The following GPC6 variants were observed in gnomAD, a reference collection of about 807,000 sequenced individuals.
GPC6 encodes the protein glypican-6.
In GPC6, 14 loss-of-function variants were observed where a neutral mutation model predicts 55.2. The observed-to-expected ratio is 0.25, with a 90% CI of 0.17 to 0.40. The LOEUF is 0.40. Ranked by LOEUF, GPC6 falls within the 10% of genes least tolerant of loss-of-function variation. The probability of loss-of-function intolerance (pLI) is 1.00; values close to 1 mark genes in which losing one functional copy is unlikely to be tolerated. For synonymous variants in GPC6, 278 were observed against 259.6 expected, an observed-to-expected ratio of 1.07 and a Z score of -0.68; for missense variants, 641 against 708.5, an observed-to-expected ratio of 0.90 and a Z score of 1.08.
intron 1 of GPC6, among the ~76,000 whole-genome samples, chr13:93,375,610 C>T (rs1043200836): frequency 6.6e-6 from 1 of 152,200 alleles, no homozygotes. Context: ...TTTCACTCCT[C>T]CCGATGGTAG....
intron 2 of GPC6, among the ~76,000 whole-genome samples, chr13:93,563,138 T>A (rs1426997805): frequency 6.6e-6 from 1 of 152,200 alleles, no homozygotes; most frequent in African/African-American, 2.4e-5. Context: ...TGATAAATGT[T>A]ATTTTGTGAA....
At chr13:93,395,756 G>A (rs887345832) in intron 1 of GPC6, 4 of 152,970 alleles carry the variant, frequency 2.6e-5, no homozygotes, top group African/African-American at 9.7e-5. Context: ...ATGTCTCATT[G>A]GTTGTTTCAA....
At chr13:94,251,807 A>G (rs762247194) in intron 4 of GPC6, among the ~76,000 whole-genome samples, 2 of 151,934 alleles carry the variant, frequency 1.3e-5, no homozygotes, top group Admixed American at 6.6e-5. Context: ...TTCACCACCA[A>G]TTGTCTCATG....
At chr13:94,236,755 C>T in intron 4 of GPC6, among the ~76,000 whole-genome samples, 1 of 152,054 alleles carries the variant, frequency 6.6e-6, no homozygotes, top group Non-Finnish European at 1.5e-5. Flanking sequence ...GTAAGTATTT[C>T]CTGAGAACAT....
At chr13:93,699,244 C>T (rs1882585542) in intron 2 of GPC6, among the ~76,000 whole-genome samples, 1 of 151,996 alleles carries the variant, frequency 6.6e-6, no homozygotes, top group African/African-American at 2.4e-5. Flanking sequence ...CACATTTATC[C>T]ATGGGTGATA....
chr13:94,074,357 A>G lies in GPC6; in HGVS notation c.877+46463A>G, dbSNP rs553557042. Among the ~76,000 whole-genome samples the G allele has an allele frequency of 7.9e-5, 12 of 152,360 alleles. No individual in the cohort carries two copies. The East Asian group carries it at 2.3e-3, about 29-fold the overall frequency. ...TATTATGTGCAGCATAGACAAGGTT[A>G]TGTTTTAAACATGACAATGAAGGTT... On this transcript the variant is annotated intron_variant, in intron 4 of 8. Coordinates refer to ENST00000377047, the MANE Select transcript of GPC6 (RefSeq NM_005708.5).
intron 4 of GPC6, among the ~76,000 whole-genome samples, chr13:94,098,830 A>G (rs1322326821): frequency 1.3e-5 from 2 of 152,178 alleles, no homozygotes; most frequent in African/African-American, 4.8e-5. Flanking sequence ...AGAGTATTAT[A>G]TATATATTAT....
intron 6 of GPC6, among the ~76,000 whole-genome samples, chr13:94,349,614 C>T (rs1878442344): frequency 6.6e-6 from 1 of 152,178 alleles, no homozygotes; most frequent in African/African-American, 2.4e-5. Flanking sequence ...TCTGAGCAAA[C>T]ATGTGCTAGT....
chr13:93,429,949 A>G (rs1307916648), intron 1 of GPC6, among the ~76,000 whole-genome samples: 2 of 152,150 alleles, frequency 1.3e-5, no homozygotes, highest in African/African-American at 4.8e-5. Context: ...TTTGACCAAT[A>G]TGAGAAAACT....
At chr13:94,201,835 G>T (rs1000435988) in intron 4 of GPC6, among the ~76,000 whole-genome samples, 6 of 152,070 alleles carry the variant, frequency 3.9e-5, no homozygotes, top group Non-Finnish European at 8.8e-5. Flanking sequence ...TGTAGTCCCA[G>T]CTACTCAGGA....
chr13:93,383,229 T>G (rs1480204405), intron 1 of GPC6, among the ~76,000 whole-genome samples: 1 of 152,174 alleles, frequency 6.6e-6, no homozygotes, highest in Non-Finnish European at 1.5e-5. Context: ...ATATTTATTT[T>G]GAGATAGGGT....
intron 3 of GPC6, among the ~76,000 whole-genome samples, chr13:93,897,369 C>T (rs968876552): frequency 1.3e-5 from 2 of 151,672 alleles, no homozygotes; most frequent in African/African-American, 4.8e-5. Context: ...AGAAGATAAG[C>T]GTCTAAGGTG....
intron 3 of GPC6, among the ~76,000 whole-genome samples, chr13:93,935,034 G>A (rs1878362833): frequency 6.6e-6 from 1 of 152,146 alleles, no homozygotes; most frequent in South Asian, 2.1e-4. Flanking sequence ...TACTACATTA[G>A]TTGGTGGAAA....
intron 1 of GPC6, among the ~76,000 whole-genome samples, chr13:93,278,080 T>C (rs1425988723): frequency 6.6e-6 from 1 of 152,210 alleles, no homozygotes; most frequent in Non-Finnish European, 1.5e-5. Flanking sequence ...GTAAACCTTA[T>C]ATTTGCGTTA....
chr13:93,792,828 T>G (rs1886087534), intron 2 of GPC6, among the ~76,000 whole-genome samples: 1 of 152,124 alleles, frequency 6.6e-6, no homozygotes, highest in South Asian at 2.1e-4. Context: ...GAGGTGAGCT[T>G]CTCAGGACAG....
At chr13:93,589,178 TTTA>T (rs1877348546) in intron 2 of GPC6, among the ~76,000 whole-genome samples, 1 of 140,856 alleles carries the variant, frequency 7.1e-6, no homozygotes, top group Admixed American at 6.7e-5. Context: ...TAGTTAACAT[TTTA>T]TTACCTTTGC....
chr13:93,903,913 G>T (rs764837990), intron 3 of GPC6, among the ~76,000 whole-genome samples: 1 of 151,694 alleles, frequency 6.6e-6, no homozygotes, highest in South Asian at 2.1e-4. Context: ...TTCCCTGTGT[G>T]TAGTATCATC....
chr13:93,626,171 C>T (rs558796496), intron 2 of GPC6, among the ~76,000 whole-genome samples: 6 of 152,200 alleles, frequency 3.9e-5, no homozygotes, highest in African/African-American at 1.2e-4. Context: ...AATACACACA[C>T]GTGCATACAT....
intron 2 of GPC6, among the ~76,000 whole-genome samples, chr13:93,744,889 C>A (rs551205933): frequency 6.6e-6 from 1 of 151,582 alleles, no homozygotes; most frequent in African/African-American, 2.4e-5. Context: ...GCCAAGATCA[C>A]ATCTATCTCT....
Sources: gnomAD v4.1 joint callset for allele counts (sites outside exome capture counted in the v4.1 genomes callset) on GRCh38, gnomAD v4.1.1 for gene constraint, MANE v1.5 for transcripts, NCBI Gene and HGNC (gene_info 2026-07-23, HGNC 2026-07-21) for gene names.